FGD3: variants seen among roughly 807,000 people sequenced by gnomAD.
The protein encoded by FGD3 is FYVE, RhoGEF and PH domain containing 3, also known as FYVE, RhoGEF and PH domain-containing protein 3.
FGD3 carries 45 observed loss-of-function variants against 71.8 expected under a neutral mutation model. The ratio of observed to expected loss-of-function variants is 0.63; its 90% CI spans 0.49 to 0.80. The LOEUF (loss-of-function observed/expected upper bound fraction) is 0.80. FGD3 is among the 30% of genes least tolerant of loss of function. FGD3 has a pLI of 0.00. For synonymous variants in FGD3, 378 were observed against 392.8 expected (o/e 0.96, Z 0.44); for missense variants, 844 against 951.5 (o/e 0.89, Z 1.49).
chr9:93,007,129 A>T (rs577428787), intron 6 of FGD3, among the ~76,000 whole-genome samples: 5 of 146,728 alleles, frequency 3.4e-5, no homozygotes, highest in East Asian at 4.3e-4. Flanking sequence ...CTCACTCTGT[A>T]GCCCAGGCTG....
At chr9:92,983,554 C>T (rs1860077415) in intron 3 of FGD3, among the ~76,000 whole-genome samples, 1 of 152,074 alleles carries the variant, frequency 6.6e-6, no homozygotes, top group African/African-American at 2.4e-5. Context: ...AAACAGTTAT[C>T]ATTATTAGTG....
chr9:92,990,618 G>A (rs1457278908), intron 3 of FGD3, among the ~76,000 whole-genome samples: 7 of 152,116 alleles, frequency 4.6e-5, no homozygotes, highest in Non-Finnish European at 1.0e-4. Flanking sequence ...TGTTGAGGGC[G>A]TTTATAATAA....
At chr9:92,979,492 T>A (rs1168451914) in intron 3 of FGD3, among the ~76,000 whole-genome samples, 2 of 152,228 alleles carry the variant, frequency 1.3e-5, no homozygotes, top group African/African-American at 4.8e-5. Context: ...AATGTACTGT[T>A]GAATTTCATT....
At position 93,035,336 on chromosome 9, in the gene FGD3, A is replaced by T; in HGVS notation, c.1927-2A>T. 4 of 1,607,352 alleles carry T rather than the reference A, an allele frequency of 2.5e-6. No individual in the cohort carries two copies. The highest frequency in any genetic ancestry group is 3.4e-6 in the Non-Finnish European group (4 of 1,176,854). ...CGCTGACCATCTGCTCCTCTGCTGC[A>T]GGACGGCCGGCTGCCCCGCACCATC... On this transcript the variant is annotated splice_acceptor_variant, in intron 17 of 17. Coordinates refer to ENST00000375482, the MANE Select transcript of FGD3 (RefSeq NM_001083536.2). LOFTEE classifies it high-confidence loss of function.
At chr9:93,028,222 A>G (rs5015016) in intron 14 of FGD3, among the ~76,000 whole-genome samples, 13 of 120,818 alleles carry the variant, frequency 1.1e-4, no homozygotes, top group South Asian at 4.6e-4. Context: ...ACACACGCAC[A>G]CACACACACA....
chr9:93,030,722 G>C (rs35556051), intron 15 of FGD3, among the ~76,000 whole-genome samples: 8,362 of 144,298 alleles, frequency 0.058, 391 homozygotes, highest in Non-Finnish European at 0.089. Context: ...GGGCAGCAGG[G>C]GGGGGGGAAT....
In FGD3 at chr9:92,997,925, G is replaced by A. The variant is rs1255494064; in HGVS notation, c.454-5000G>A. Among the ~76,000 whole-genome samples, 8 of 152,194 alleles carry A rather than the reference G, an allele frequency of 5.3e-5. No individual in the cohort carries two copies. The South Asian group carries it at 1.7e-3, about 32-fold the overall frequency. On this transcript the variant is annotated intron_variant, in intron 3 of 17. Coordinates refer to ENST00000375482, the MANE Select transcript of FGD3 (RefSeq NM_001083536.2). ...CATTTTTTCCTTCATTTCAACTTTG[G>A]TGAATCTGACAATTATGTGTCTTGG... is the stretch of plus-strand genomic sequence containing the variant.
At position 93,003,263 on chromosome 9, in the gene FGD3, G is replaced by A. The variant is rs1482799036; in HGVS notation, c.543+249G>A. On this transcript the variant is annotated intron_variant, in intron 4 of 17. Coordinates refer to ENST00000375482, the MANE Select transcript of FGD3 (RefSeq NM_001083536.2). This position sits in a 1 kb window ranked among gnomAD's most constrained non-coding sequence, Gnocchi z 4.1. ...CCTGTCTCAGCCTCCCGAGTAGCTG[G>A]GACTACAGGCACATGCCACCACGCC... Among the ~76,000 whole-genome samples, 2 of 152,006 alleles carry A rather than the reference G, an allele frequency of 1.3e-5. No homozygotes were observed. Among genetic ancestry groups the A allele is most frequent in the Non-Finnish European group, 2.9e-5 (2 of 68,002 alleles).
chr9:92,956,246 T>C (rs1859048568), intron 1 of FGD3, among the ~76,000 whole-genome samples: 1 of 152,232 alleles, frequency 6.6e-6, no homozygotes, highest in East Asian at 1.9e-4. Context: ...GTTTCTGTTC[T>C]TGTTTTATTG....
At chr9:92,972,061 GTAA>G (rs59635147) in intron 1 of FGD3, among the ~76,000 whole-genome samples, 76,850 of 150,066 alleles carry the variant, frequency 0.51, 19,825 homozygotes, top group Middle Eastern at 0.61. Flanking sequence ...GAATTCTGTA[GTAA>G]TGAGAAAACA....
intron 1 of FGD3, among the ~76,000 whole-genome samples, chr9:92,957,839 G>A (rs2118507626): frequency 6.6e-6 from 1 of 151,338 alleles, no homozygotes; most frequent in Admixed American, 6.6e-5. Context: ...GCACCACTAT[G>A]CCCAGCTAAT....
intron 3 of FGD3, among the ~76,000 whole-genome samples, chr9:92,987,374 G>A (rs544688550): frequency 6.6e-6 from 1 of 150,474 alleles, no homozygotes; most frequent in Non-Finnish European, 1.5e-5. Context: ...GGAGCTTGCA[G>A]AGAGCCGAGA....
At chr9:92,973,842 T>G (rs1327379378) in intron 1 of FGD3, among the ~76,000 whole-genome samples, 1 of 152,166 alleles carries the variant, frequency 6.6e-6, no homozygotes, top group East Asian at 1.9e-4. Flanking sequence ...TCTCTGCAGC[T>G]CTCTCATCTT....
At chr9:93,032,696 A>G in intron 15 of FGD3, 73 bp from the exon 16 acceptor site, 4 of 1,391,658 alleles carry the variant, frequency 2.9e-6, no homozygotes, top group Admixed American at 3.5e-5. Context: ...CGCCCACTCT[A>G]CCTCCTCTGG....
chr9:92,973,995 G>A (rs1447623655), intron 1 of FGD3, among the ~76,000 whole-genome samples: 6 of 152,192 alleles, frequency 3.9e-5, no homozygotes, highest in African/African-American at 1.4e-4. Flanking sequence ...GCAGTGAGCT[G>A]GGGCAATAGG....
In FGD3 at chr9:93,035,739, C is replaced by A; in HGVS notation, c.*150C>A. On this transcript the variant is annotated 3_prime_UTR_variant, in exon 18 of 18. Coordinates refer to ENST00000375482, the MANE Select transcript of FGD3 (RefSeq NM_001083536.2). ...ACACTTGGCTTTGGGGGGAAGGAAA[C>A]TGAGGCCCAGAGAGGGGCAACCACT... The A allele has an allele frequency of 8.1e-7, 1 of 1,236,950 alleles. No homozygotes were observed. The highest frequency in any genetic ancestry group is 1.1e-6 in the Non-Finnish European group (1 of 928,858). 76.6% of individuals were successfully genotyped at this position (1,236,950 alleles called of 1,614,324 possible). A position where few individuals can be genotyped will look rare whatever the true frequency, so the allele number is the denominator to read the frequency against.
At chr9:93,015,400 GAGCCAAGATTGCGCC>G (rs1861633966) in intron 9 of FGD3, among the ~76,000 whole-genome samples, 1 of 152,102 alleles carries the variant, frequency 6.6e-6, no homozygotes, top group South Asian at 2.1e-4. Flanking sequence ...AGTTTGCAGT[GAGCCAAGATTGCGCC>G]ATTGCACTTC....
intron 13 of FGD3, among the ~76,000 whole-genome samples, chr9:93,021,167 G>C (rs1006318595): frequency 2.0e-5 from 3 of 152,200 alleles, no homozygotes; most frequent in Non-Finnish European, 4.4e-5. Flanking sequence ...ACCTTTCTGT[G>C]TTTGTATTTC....
chr9:92,954,413 G>A (rs1310363505), intron 1 of FGD3, among the ~76,000 whole-genome samples: 2 of 152,184 alleles, frequency 1.3e-5, no homozygotes, highest in African/African-American at 4.8e-5. Context: ...TTCTGGGAAG[G>A]ATCCAAGAGC....
Sources: gnomAD v4.1 joint callset for allele counts (sites outside exome capture counted in the v4.1 genomes callset) on GRCh38, gnomAD v4.1.1 for gene constraint, Gnocchi (gnomAD v3.1) non-coding constraint, MANE v1.5 for transcripts, NCBI Gene and HGNC (gene_info 2026-07-23, HGNC 2026-07-21) for gene names.